Variants in PRKCA observed in about 807,000 individuals in gnomAD.
PRKCA encodes protein kinase C alpha.
Under a neutral mutation model 87.0 loss-of-function variants are expected in PRKCA, and 27 were observed. The observed-to-expected ratio is 0.31, with a 90% CI of 0.23 to 0.43. The LOEUF (loss-of-function observed/expected upper bound fraction) is 0.43, where lower values mean the gene tolerates loss of function less well. Among genes scored for constraint, PRKCA ranks in the 20% least tolerant of loss-of-function variants. PRKCA has a pLI of 1.00. For synonymous variants in PRKCA, 329 were observed against 311.1 expected, an observed-to-expected ratio of 1.06 and a Z score of -0.61; for missense variants, 518 against 852.3, an observed-to-expected ratio of 0.61 and a Z score of 4.88.
chr17:66,796,758 C>T, intron 16 of PRKCA: 3 of 985,338 alleles, frequency 3.0e-6, no homozygotes, highest in Non-Finnish European at 3.6e-6. Flanking sequence ...GCTGTGCAAC[C>T]ACAAGTCAGA....
At chr17:66,476,559 G>A (rs952079682) in intron 2 of PRKCA, among the ~76,000 whole-genome samples, 7 of 152,170 alleles carry the variant, frequency 4.6e-5, no homozygotes, top group Admixed American at 3.9e-4. Context: ...ACAAGCTCTG[G>A]TTCTCTGCCA....
In PRKCA at chr17:66,462,012, G is replaced by GT. The variant is rs141221994; in HGVS notation, c.206-34183dup. Among the ~76,000 whole-genome samples, 927 of 152,204 alleles carry GT rather than the reference G, an allele frequency of 6.1e-3. 9 individuals are homozygous for GT. The highest frequency in any genetic ancestry group is 9.4e-3 in the Non-Finnish European group (640 of 68,016). On this transcript the variant is annotated intron_variant, in intron 2 of 16. Coordinates refer to ENST00000413366, the MANE Select transcript of PRKCA (RefSeq NM_002737.3). ...TTCCTGTTTCCGTGAACAGTGTCTA[G>GT]TTTTTTCTTTTTTGACCCTCTATTT...
Position 66,397,240 on chromosome 17 carries a change from C to T in PRKCA, c.205+91113C>T, listed in dbSNP as rs944497040. Among the ~76,000 whole-genome samples the T allele has an allele frequency of 6.8e-5, 10 of 147,456 alleles. No individual in the cohort carries two copies. The Admixed American group carries it at 6.8e-4, about 10-fold the overall frequency. On this transcript the variant is annotated intron_variant, in intron 2 of 16. Transcript: ENST00000413366. ...TCAGCCTCCCAAAGTGCTGGGATTACAGGCATGAGCCAGCATGCCCGGCCC... is the reference window on the plus strand; with the variant it reads ...TCAGCCTCCCAAAGTGCTGGGATTATAGGCATGAGCCAGCATGCCCGGCCC...
chr17:66,552,767 C>T (rs572800047), intron 3 of PRKCA, among the ~76,000 whole-genome samples: 1 of 152,252 alleles, frequency 6.6e-6, no homozygotes, highest in East Asian at 1.9e-4. Flanking sequence ...AGGTCCAGCC[C>T]ACACTCAAGG....
At chr17:66,429,962 G>A (rs1018784968) in intron 2 of PRKCA, among the ~76,000 whole-genome samples, 2 of 152,040 alleles carry the variant, frequency 1.3e-5, no homozygotes, top group Non-Finnish European at 2.9e-5. Context: ...GCATCTCTGT[G>A]GTCTGTGTGA....
At chr17:66,633,861 T>C (rs1971085216) in intron 3 of PRKCA, among the ~76,000 whole-genome samples, 2 of 152,204 alleles carry the variant, frequency 1.3e-5, no homozygotes, top group Admixed American at 6.5e-5. Context: ...CCTCTAGAGA[T>C]TTCACACTGC....
intron 3 of PRKCA, among the ~76,000 whole-genome samples, chr17:66,561,841 C>T (rs567486230): frequency 4.9e-4 from 74 of 151,864 alleles, no homozygotes; most frequent in Non-Finnish European, 9.6e-4. Context: ...ATATGAGGTA[C>T]TTGGAATAGT....
In PRKCA at chr17:66,735,526, A is replaced by G; in HGVS notation, c.1094A>G (p.Tyr365Cys). The stretch of plus-strand genomic sequence containing the variant: ...GACAGGAAGGGCACAGAAGAACTGT[A>G]TGCAATCAAAATCCTGAAGAAGGAT... ...LADRKGTEEL[Y>C]AIKILKKDVV... The change falls in exon 10 of 17, where the codon TAT becomes TGT. Residue 365 changes from tyrosine to cysteine, a missense_variant. Transcript: ENST00000413366. 5 of 1,614,122 alleles carry G rather than the reference A, an allele frequency of 3.1e-6. No homozygotes were observed. The highest frequency in any genetic ancestry group is 4.2e-6 in the Non-Finnish European group (5 of 1,180,020).
chr17:66,587,895 G>GTATATATATATATA lies in PRKCA; in HGVS notation c.289-53436_289-53423dup, dbSNP rs71160580. 2.0e-4 allele frequency among the ~76,000 whole-genome samples: 17 copies of GTATATATATATATA among 85,392 alleles called. 1 individual carries two copies. The highest frequency in any genetic ancestry group is 1.3e-3 in the South Asian group (3 of 2,234). The allele number at this position is 85,392 out of a possible 152,430, so 56.0% of individuals were successfully genotyped here. ...TGTGTGTGTGTGTGTGTGTGTGTGT[G>GTATATATATATATA]TATATATATATATATATATATATAT... On this transcript the variant is annotated intron_variant, in intron 3 of 16. Transcript: ENST00000413366.
rs78599671 is a variant in PRKCA, at chr17:66,674,948, G to A, written c.530-12163G>A. ...AGTGCACGCCCACCAATGGGAAGTC[G>A]TGCCCACACCAGTGGCAAGATATGC... On this transcript the variant is annotated intron_variant, in intron 5 of 16. Coordinates refer to ENST00000413366, the MANE Select transcript of PRKCA (RefSeq NM_002737.3). Among the ~76,000 whole-genome samples, 1,477 of 152,274 alleles carry A rather than the reference G, an allele frequency of 9.7e-3. 17 individuals carry two copies. The highest frequency in any genetic ancestry group is 0.024 in the Middle Eastern group (7 of 292).
At chr17:66,577,062 G>A (rs570288930) in intron 3 of PRKCA, among the ~76,000 whole-genome samples, 4 of 152,064 alleles carry the variant, frequency 2.6e-5, no homozygotes, top group Non-Finnish European at 5.9e-5. Flanking sequence ...TAGAGACGGG[G>A]TTTGGCCATG....
At chr17:66,328,274 A>T (rs1345422727) in intron 2 of PRKCA, among the ~76,000 whole-genome samples, 2 of 151,722 alleles carry the variant, frequency 1.3e-5, no homozygotes, top group African/African-American at 4.8e-5. Flanking sequence ...GTCGGTCTTG[A>T]ACTCCTGGCC....
chr17:66,343,550 C>T (rs577240032), intron 2 of PRKCA, among the ~76,000 whole-genome samples: 2 of 152,100 alleles, frequency 1.3e-5, no homozygotes, highest in South Asian at 2.1e-4. Context: ...GTGCAGAGAC[C>T]GGATTGGAGG....
chr17:66,414,525 G>A (rs971690736), intron 2 of PRKCA, among the ~76,000 whole-genome samples: 4 of 152,184 alleles, frequency 2.6e-5, no homozygotes, highest in Non-Finnish European at 5.9e-5. Flanking sequence ...ATAGCAATGA[G>A]AGAACAGATG....
chr17:66,442,064 C>CTTTTTTTTT, intron 2 of PRKCA, among the ~76,000 whole-genome samples: 1 of 147,492 alleles, frequency 6.8e-6, no homozygotes, highest in Non-Finnish European at 1.5e-5. Flanking sequence ...TAGTCTCTCT[C>CTTTTTTTTT]TCTTTTTTTT....
At chr17:66,747,926 C>T (rs1974336287) in intron 13 of PRKCA, among the ~76,000 whole-genome samples, 1 of 152,200 alleles carries the variant, frequency 6.6e-6, no homozygotes, top group African/African-American at 2.4e-5. Flanking sequence ...CCGGGGGGTG[C>T]CGGGCCAGAA....
intron 2 of PRKCA, among the ~76,000 whole-genome samples, chr17:66,431,917 A>G (rs140765048): frequency 5.1e-4 from 77 of 152,318 alleles, no homozygotes; most frequent in African/African-American, 1.7e-3. Context: ...GAAAACCAGT[A>G]ATAATTTCCC....
At chr17:66,669,224 C>T (rs2143940612) in intron 5 of PRKCA, among the ~76,000 whole-genome samples, 1 of 152,026 alleles carries the variant, frequency 6.6e-6, no homozygotes, top group South Asian at 2.1e-4. Flanking sequence ...TATAAAGAGA[C>T]AGAAAAGATG....
chr17:66,499,147 G>T lies in PRKCA; in HGVS notation c.288+2864G>T, dbSNP rs568826548. Among the ~76,000 whole-genome samples, 7 of 128,412 alleles carry T rather than the reference G, an allele frequency of 5.5e-5. No individual in the cohort carries two copies. In the South Asian group the frequency reaches 9.8e-4, roughly 18 times the overall value. The allele number at this position is 128,412 out of a possible 152,430, so 84.2% of individuals were successfully genotyped here. On this transcript the variant is annotated intron_variant, in intron 3 of 16. Coordinates refer to ENST00000413366, the MANE Select transcript of PRKCA (RefSeq NM_002737.3). ...ATGTCCTAAAGATAAAGATTCCTATGATTTTTTTTTAATGCCTTGGATGTG... is the reference window on the plus strand; with the variant it reads ...ATGTCCTAAAGATAAAGATTCCTATTATTTTTTTTTAATGCCTTGGATGTG...
Sources: allele counts gnomAD v4.1 joint callset (sites outside exome capture counted in the v4.1 genomes callset), GRCh38; gene constraint gnomAD v4.1.1; transcripts MANE v1.5; gene names NCBI Gene and HGNC (gene_info 2026-07-23, HGNC 2026-07-21).